Variants in RIN3 observed in about 807,000 individuals in gnomAD.
RIN3 encodes RAB5 interacting protein 3.
In RIN3, 54 loss-of-function variants were observed where a neutral mutation model predicts 76.3. That is an observed-to-expected ratio of 0.71 (90% CI 0.57 to 0.89). RIN3 has a LOEUF of 0.89. Among genes scored for constraint, RIN3 ranks in the 40% least tolerant of loss-of-function variants. The pLI is 0.00. For synonymous variants in RIN3, 576 were observed against 564.0 expected (o/e 1.02, Z -0.30); for missense variants, 1,256 against 1,322.1 (o/e 0.95, Z 0.78).
In RIN3 at chr14:92,652,587, C is replaced by T; in HGVS notation, c.1538C>T (p.Pro513Leu). The T allele has an allele frequency of 6.2e-7, 1 of 1,611,918 alleles. No homozygotes were observed. The highest frequency in any genetic ancestry group is 8.5e-7 in the Non-Finnish European group (1 of 1,179,882). ...SPASQAGTQH[P>L]PAQATAHSQS... is the part of the protein sequence containing the mutation. ...GCTTCTCAGGCTGGGACTCAGCACC[C>T]TCCTGCCCAGGCCACTGCCCATTCC... Residue 513 changes from proline (P) to leucine (L), a missense_variant, in exon 6 of 10, where the codon CCT becomes CTT. Coordinates refer to ENST00000216487, the MANE Select transcript of RIN3 (RefSeq NM_024832.5). This position sits in a 1 kb window ranked among gnomAD's most constrained non-coding sequence, Gnocchi z 6.4.
chr14:92,535,137 A>G (rs1390333497), intron 1 of RIN3, among the ~76,000 whole-genome samples: 12 of 152,122 alleles, frequency 7.9e-5, no homozygotes, highest in Admixed American at 7.9e-4. Context: ...GAATCTTTTC[A>G]CATGCTCACA....
chr14:92,602,384 G>A lies in RIN3; in HGVS notation c.368-13023G>A, dbSNP rs562897638. On this transcript the variant is annotated intron_variant, in intron 3 of 9. Coordinates refer to ENST00000216487, the MANE Select transcript of RIN3 (RefSeq NM_024832.5). The stretch of plus-strand genomic sequence containing the variant: ...GCCGACAGTGAGGCAGGGACACGCC[G>A]ATTGCATTCCTGTAGGAGGCACTGG... 1.5e-4 allele frequency among the ~76,000 whole-genome samples: 23 copies of A among 152,288 alleles called. No homozygotes were observed. The South Asian group carries it at 3.3e-3, about 22-fold the overall frequency.
intron 1 of RIN3, among the ~76,000 whole-genome samples, chr14:92,541,344 G>C (rs367924348): frequency 6.6e-6 from 1 of 152,202 alleles, no homozygotes; most frequent in African/African-American, 2.4e-5. Flanking sequence ...AGAGTATCTA[G>C]CTGTAGAGAG....
intron 1 of RIN3, among the ~76,000 whole-genome samples, chr14:92,521,161 T>TCCCCCCCCCCCCCCC (rs61161193): frequency 1.3e-5 from 2 of 150,310 alleles, no homozygotes; most frequent in African/African-American, 5.0e-5. Flanking sequence ...CATCCACCCA[T>TCCCCCCCCCCCCCCC]CAACCCACCC....
At chr14:92,574,428 G>A (rs574002403) in intron 2 of RIN3, among the ~76,000 whole-genome samples, 104 of 152,350 alleles carry the variant, frequency 6.8e-4, no homozygotes, top group African/African-American at 1.9e-3. Flanking sequence ...AAGGGAAGAT[G>A]AAGCCTCCAT....
At chr14:92,567,405 T>G (rs763161504) in intron 2 of RIN3, among the ~76,000 whole-genome samples, 1 of 152,186 alleles carries the variant, frequency 6.6e-6, no homozygotes, top group Non-Finnish European at 1.5e-5. Context: ...CTGGGGTCAG[T>G]CATGCAGCTG....
rs33912278 is a variant in RIN3 at position 92,633,856 on chromosome 14, G to GGTGT, written c.441-7361_441-7358dup. ...CATTTTGCTAAACTTTTGTTTTAGT[G>GGTGT]GTGTGTGTGTGTGTGTGTGTGTGTT... On this transcript the variant is annotated intron_variant, in intron 4 of 9. Transcript: ENST00000216487. 5.8e-3 allele frequency among the ~76,000 whole-genome samples: 850 copies of GGTGT among 146,928 alleles called. 2 individuals carry two copies. The highest frequency in any genetic ancestry group is 6.9e-3 in the Non-Finnish European group (450 of 65,460).
In RIN3 at chr14:92,513,890, G is replaced by C. The variant is rs1896359859; in HGVS notation, c.-43G>C. 8.0e-6 allele frequency: 10 copies of C among 1,248,630 alleles called. No individual in the cohort carries two copies. The highest frequency in any genetic ancestry group is 3.0e-5 in the South Asian group (1 of 32,948). The allele number at this position is 1,248,630 out of a possible 1,614,324, so 77.3% of individuals were successfully genotyped here. The stretch of plus-strand genomic sequence containing the variant: ...GGGACTCCGCGTTCCGCGCGGCCCG[G>C]CGCCTGAGCGCCTCCGTTCCCCGTC... On this transcript the variant is annotated 5_prime_UTR_variant, in exon 1 of 10. Coordinates refer to ENST00000216487, the MANE Select transcript of RIN3 (RefSeq NM_024832.5).
chr14:92,528,460 A>T (rs1379894079), intron 1 of RIN3, among the ~76,000 whole-genome samples: 1 of 152,202 alleles, frequency 6.6e-6, no homozygotes, highest in Non-Finnish European at 1.5e-5. Flanking sequence ...GGACGTATGT[A>T]AGGACCTAGA....
intron 3 of RIN3, among the ~76,000 whole-genome samples, chr14:92,612,029 A>G (rs376909584): frequency 1.3e-5 from 2 of 152,160 alleles, no homozygotes; most frequent in African/African-American, 4.8e-5. Context: ...TGAGAACTCT[A>G]TCAGAGAACA....
At chr14:92,569,691 G>C (rs1898012644) in intron 2 of RIN3, among the ~76,000 whole-genome samples, 1 of 152,070 alleles carries the variant, frequency 6.6e-6, no homozygotes, top group Non-Finnish European at 1.5e-5. Flanking sequence ...TGAAAGAGCT[G>C]ATTCAATGCA....
intron 2 of RIN3, among the ~76,000 whole-genome samples, chr14:92,556,617 C>T (rs74244706): frequency 2.0e-5 from 3 of 151,846 alleles, no homozygotes; most frequent in African/African-American, 4.8e-5. Flanking sequence ...GACATACAGA[C>T]AGACAACAGA....
intron 7 of RIN3, among the ~76,000 whole-genome samples, chr14:92,666,207 G>A (rs1888095197): frequency 6.6e-6 from 1 of 152,314 alleles, no homozygotes; most frequent in African/African-American, 2.4e-5. Flanking sequence ...TATGATGCAG[G>A]CAACAGTAGC....
At chr14:92,611,666 A>T (rs994716069) in intron 3 of RIN3, among the ~76,000 whole-genome samples, 3 of 152,202 alleles carry the variant, frequency 2.0e-5, no homozygotes, top group Non-Finnish European at 4.4e-5. Flanking sequence ...ATAAGGTCAT[A>T]TTCACGTGTG....
intron 4 of RIN3, among the ~76,000 whole-genome samples, chr14:92,622,752 G>T (rs1023098481): frequency 2.6e-5 from 4 of 152,196 alleles, no homozygotes; most frequent in Admixed American, 1.3e-4. Context: ...TGGGGTGTTT[G>T]GGCACAGCAG....
intron 1 of RIN3, among the ~76,000 whole-genome samples, chr14:92,543,052 C>T (rs913131439): frequency 3.3e-5 from 5 of 152,096 alleles, no homozygotes; most frequent in African/African-American, 9.7e-5. Flanking sequence ...TGTTAAAAAC[C>T]ACTGAATTGG....
At chr14:92,588,856 C>G (rs1423161407) in intron 3 of RIN3, among the ~76,000 whole-genome samples, 1 of 152,244 alleles carries the variant, frequency 6.6e-6, no homozygotes, top group Non-Finnish European at 1.5e-5. Context: ...GCAGCACTCT[C>G]TGCCAGGGCA....
Position 92,652,328 on chromosome 14 carries a change from C to T in RIN3, c.1279C>T (p.Arg427Trp), listed in dbSNP as rs141595077. 286 of 1,603,840 alleles carry T rather than the reference C, an allele frequency of 1.8e-4. No individual in the cohort carries two copies. The African/African-American group carries it at 2.0e-3, about 11-fold the overall frequency. The change falls in exon 6 of 10, where the codon CGG becomes TGG. Residue 427 changes from arginine (R) to tryptophan (W), a missense_variant. By Grantham distance (101) the Arg-to-Trp change is moderately radical (BLOSUM62 -3). This residue lies in a region of RIN3 where 610 missense variants were observed against 626.4 expected (regional missense o/e 0.97). Transcript: ENST00000216487. The surrounding 1 kb of genome is among the most constrained non-coding windows in gnomAD (Gnocchi z 6.4). The part of the protein sequence containing the change: ...GTSDGPEDTP[R>W]ESTEQGQDTE... ...CTCAGACGGCCCTGAGGACACGCCC[C>T]GGGAGAGCACGGAGCAAGGCCAGGA...
chr14:92,524,661 T>G (rs1330028271), intron 1 of RIN3, among the ~76,000 whole-genome samples: 2 of 152,212 alleles, frequency 1.3e-5, no homozygotes, highest in African/African-American at 4.8e-5. Flanking sequence ...TGGGCAAGGC[T>G]TCCCCAGCCC....
Sources: gnomAD v4.1 joint callset for allele counts (sites outside exome capture counted in the v4.1 genomes callset) on GRCh38, gnomAD v4.1.1 for gene constraint, gnomAD v4.1.1 regional missense constraint, Gnocchi (gnomAD v3.1) non-coding constraint, MANE v1.5 for transcripts, NCBI Gene and HGNC (gene_info 2026-07-23, HGNC 2026-07-21) for gene names.